Variants in SGF29 observed in about 807,000 individuals in gnomAD.
SGF29 encodes SAGA-associated factor 29.
Under a neutral mutation model 38.1 loss-of-function variants are expected in SGF29, and 15 were observed. The observed-to-expected ratio is 0.39, with a 90% CI of 0.26 to 0.61. The LOEUF (loss-of-function observed/expected upper bound fraction) is 0.61. Ranked by LOEUF, SGF29 falls within the 20% of genes least tolerant of loss-of-function variation. The probability of loss-of-function intolerance (pLI) is 0.49; values close to 1 mark genes in which losing one functional copy is unlikely to be tolerated. For synonymous variants in SGF29, 151 were observed against 160.8 expected (o/e 0.94, Z 0.46); for missense variants, 184 against 394.6 (o/e 0.47, Z 4.52).
At chr16:28,589,187 G>A (rs755679567) in intron 5 of SGF29, 23 bp downstream of exon 5, 2 of 1,613,616 alleles carry the variant, frequency 1.2e-6, no homozygotes. Flanking sequence ...GAACATGCTG[G>A]GAGGTCCTTT....
intron 1 of SGF29, among the ~76,000 whole-genome samples, chr16:28,564,559 A>G (rs1367463080): frequency 3.7e-5 from 5 of 134,466 alleles, no homozygotes; most frequent in East Asian, 2.0e-4. Flanking sequence ...ACGTATATAT[A>G]TATATACGTA....
At chr16:28,577,035 G>A (rs1213571117) in intron 1 of SGF29, among the ~76,000 whole-genome samples, 3 of 152,228 alleles carry the variant, frequency 2.0e-5, no homozygotes, top group East Asian at 1.9e-4. Flanking sequence ...TTAGCCGGGC[G>A]TGGTGGTGGG....
chr16:28,588,304 G>A (rs934107484), intron 4 of SGF29, among the ~76,000 whole-genome samples: 3 of 152,054 alleles, frequency 2.0e-5, no homozygotes, highest in African/African-American at 7.2e-5. Flanking sequence ...GAAAGGATGA[G>A]GTCCTTCCAC....
At position 28,568,447 on chromosome 16, in the gene SGF29, A is replaced by G. The variant is rs549989090; in HGVS notation, c.-15-12608A>G. On this transcript the variant is annotated intron_variant, in intron 1 of 9. Coordinates refer to ENST00000317058, the MANE Select transcript of SGF29 (RefSeq NM_138414.3). ...AAATTACAGAAAATGCCAGTGTATG[A>G]CATTGTATAGCTACTTTGCATGAGT... Among the ~76,000 whole-genome samples, 3 of 152,242 alleles carry G rather than the reference A, an allele frequency of 2.0e-5. No homozygotes were observed. The South Asian group carries it at 6.2e-4, about 32-fold the overall frequency.
rs1293504054 is a variant in SGF29, at chr16:28,581,112, A to G, written c.43A>G (p.Thr15Ala). 3 of 1,613,960 alleles carry G rather than the reference A, an allele frequency of 1.9e-6. No homozygotes were observed. The highest frequency in any genetic ancestry group is 1.7e-5 in the Admixed American group (1 of 59,964). Residue 15 changes from threonine (T) to alanine (A), a missense_variant, in exon 2 of 10, where the codon ACA (threonine) becomes GCA (alanine). Around this residue, in one of 2 missense-constraint regions of SGF29, gnomAD observed 77 missense variants for 117.7 expected, o/e 0.65. Transcript: ENST00000317058. Reference protein sequence around the residue: ...SADSRIAELLTELHQLIKQTQ... With the variant: ...SADSRIAELLAELHQLIKQTQ... Reference sequence around the variant, plus strand: ...CGATTCCCGCATTGCAGAACTTCTCACAGAGCTCCATCAGCTGATCAAACA... The same window carrying G: ...CGATTCCCGCATTGCAGAACTTCTCGCAGAGCTCCATCAGCTGATCAAACA...
chr16:28,555,243 T>G lies in SGF29; in HGVS notation c.-16+1146T>G, dbSNP rs552470339. On this transcript the variant is annotated intron_variant, in intron 1 of 9. Transcript: ENST00000317058. ...CTTTGGGAGGCCGAGGTGGGCAGACTGCCTGAGCTCAGGGGTTTGAGACCA... is the reference window on the plus strand; with the variant it reads ...CTTTGGGAGGCCGAGGTGGGCAGACGGCCTGAGCTCAGGGGTTTGAGACCA... 4.0e-5 allele frequency among the ~76,000 whole-genome samples: 6 copies of G among 151,824 alleles called. No individual in the cohort carries two copies. In the East Asian group the frequency reaches 1.2e-3, roughly 29 times the overall value.
Position 28,588,976 on chromosome 16 carries a change from G to A in SGF29, c.225-124G>A, listed in dbSNP as rs1177743723. 1.2e-5 allele frequency: 12 copies of A among 975,542 alleles called. No individual in the cohort carries two copies. The African/African-American group carries it at 1.8e-4, about 14-fold the overall frequency. 60.4% of individuals were successfully genotyped at this position (975,542 alleles called of 1,614,324 possible). A position where few individuals can be genotyped will look rare whatever the true frequency, so the allele number is the denominator to read the frequency against. On this transcript the variant is annotated intron_variant, in intron 4 of 9. Coordinates refer to ENST00000317058, the MANE Select transcript of SGF29 (RefSeq NM_138414.3). ...TTCCACCTGCGCAGGAGGCTACTGT[G>A]AGAACCTCTGGAGTCCGGGACCAGC...
chr16:28,568,596 T>G (rs9928136), intron 1 of SGF29, among the ~76,000 whole-genome samples: 16,817 of 73,488 alleles, frequency 0.23, 1,083 homozygotes, highest in African/African-American at 0.28. Flanking sequence ...AAGGGGTGGT[T>G]GGGGGGGGCT....
chr16:28,557,552 G>A (rs1418929997), intron 1 of SGF29, among the ~76,000 whole-genome samples: 2 of 152,172 alleles, frequency 1.3e-5, no homozygotes, highest in East Asian at 1.9e-4. Context: ...ACCCAAGGAG[G>A]GAGTCATGGA....
chr16:28,564,649 A>C (rs535666473), intron 1 of SGF29, among the ~76,000 whole-genome samples: 2 of 101,636 alleles, frequency 2.0e-5, no homozygotes, highest in South Asian at 5.1e-4. Flanking sequence ...ATATGTGTAT[A>C]TATACGTATA....
At chr16:28,572,066 G>A (rs1024353364) in intron 1 of SGF29, among the ~76,000 whole-genome samples, 1 of 152,098 alleles carries the variant, frequency 6.6e-6, no homozygotes, top group African/African-American at 2.4e-5. Context: ...TGCAAGCTCT[G>A]CCTCCCGGGT....
chr16:28,565,866 G>A (rs1423404125), intron 1 of SGF29, among the ~76,000 whole-genome samples: 2 of 152,130 alleles, frequency 1.3e-5, no homozygotes, highest in African/African-American at 4.8e-5. Context: ...CAGGCTCTCT[G>A]CTAGGTATGG....
intron 1 of SGF29, among the ~76,000 whole-genome samples, chr16:28,557,998 C>T (rs1171165595): frequency 2.0e-4 from 21 of 106,502 alleles, no homozygotes; most frequent in African/African-American, 6.4e-4. Context: ...TTTTCAGAGA[C>T]GGGGTCTTGC....
rs1340898819 is a variant in SGF29, at chr16:28,581,096, C to A, written c.27C>A (p.Arg9=). MALVSADS[R]IAELLTELHQ... Reference sequence around the variant, plus strand: ...TGGCCCTCGTGTCTGCCGATTCCCGCATTGCAGAACTTCTCACAGAGCTCC... The same window carrying A: ...TGGCCCTCGTGTCTGCCGATTCCCGAATTGCAGAACTTCTCACAGAGCTCC... Residue 9 remains arginine (R), a synonymous_variant, in exon 2 of 10, where the codon CGC becomes CGA. Coordinates refer to ENST00000317058, the MANE Select transcript of SGF29 (RefSeq NM_138414.3). 1 of 1,614,086 alleles carries A rather than the reference C, an allele frequency of 6.2e-7. No homozygotes were observed. Among genetic ancestry groups the A allele is most frequent in the Admixed American group, 1.7e-5 (1 of 60,002 alleles).
chr16:28,583,390 C>G lies in SGF29; in HGVS notation c.76-1523C>G, dbSNP rs56236750. On this transcript the variant is annotated intron_variant, in intron 2 of 9. Transcript: ENST00000317058. ...GTACTAGTCTAGCAAGTATCCCCCC[C>G]CAACCCCAATCCATTCCCATTTATA... 4.3e-3 allele frequency among the ~76,000 whole-genome samples: 651 copies of G among 152,274 alleles called. 7 individuals are homozygous for G. The highest frequency in any genetic ancestry group is 0.015 in the African/African-American group (622 of 41,540).
chr16:28,589,972 G>T lies in SGF29; in HGVS notation c.290-124G>T, dbSNP rs895702857. 1.8e-5 allele frequency: 24 copies of T among 1,357,638 alleles called. No homozygotes were observed. The African/African-American group carries it at 3.2e-4, about 18-fold the overall frequency. The allele number at this position is 1,357,638 out of a possible 1,614,324, so 84.1% of individuals were successfully genotyped here. On this transcript the variant is annotated intron_variant, in intron 5 of 9. Transcript: ENST00000317058. ...GGCCGATGGGGTCACAGTCCTGCTG[G>T]GCCCTCGGGCTCACTCGGGAACTGG...
At chr16:28,579,330 G>A (rs915916465) in intron 1 of SGF29, among the ~76,000 whole-genome samples, 4 of 146,138 alleles carry the variant, frequency 2.7e-5, no homozygotes, top group African/African-American at 7.6e-5. Flanking sequence ...TGATCTCGGC[G>A]CACTGCAACC....
At chr16:28,589,403 C>T (rs1428909411) in intron 5 of SGF29, 3 of 510,508 alleles carry the variant, frequency 5.9e-6, no homozygotes, top group African/African-American at 1.9e-5. Context: ...GGCCCCTCAT[C>T]TCCTGCCCCT....
chr16:28,565,411 A>G (rs2046830236), intron 1 of SGF29, among the ~76,000 whole-genome samples: 1 of 152,182 alleles, frequency 6.6e-6, no homozygotes, highest in Non-Finnish European at 1.5e-5. Context: ...AGTGCAGCAG[A>G]AAGGTCCAGG....
Sources: allele counts gnomAD v4.1 joint callset (sites outside exome capture counted in the v4.1 genomes callset), GRCh38; gene constraint gnomAD v4.1.1; regional missense constraint gnomAD v4.1.1; transcripts MANE v1.5; gene names NCBI Gene and HGNC (gene_info 2026-07-23, HGNC 2026-07-21).